The following GPATCH2 variants were observed in gnomAD, a reference collection of about 807,000 sequenced individuals.
GPATCH2 encodes the protein G-patch domain containing 2.
GPATCH2 carries 51 observed loss-of-function variants against 58.0 expected under a neutral mutation model. The observed-to-expected ratio is 0.88, with a 90% CI of 0.70 to 1.11. GPATCH2 has a LOEUF of 1.11. GPATCH2 is among the 50% of genes most tolerant of loss of function. The pLI is 0.00. For synonymous variants in GPATCH2, 222 were observed against 218.5 expected, an observed-to-expected ratio of 1.02 and a Z score of -0.14; for missense variants, 625 against 652.2, an observed-to-expected ratio of 0.96 and a Z score of 0.45.
Position 217,430,877 on chromosome 1 carries a change from T to C in GPATCH2, c.*268A>G. On this transcript the variant is annotated 3_prime_UTR_variant, in exon 10 of 10. Coordinates refer to ENST00000366935, the MANE Select transcript of GPATCH2 (RefSeq NM_018040.5). ...AAAGTATTGACACATGAGACTAAAA[T>C]AAATAAGAGAAACGAGCTGCTCTTT... 1.2e-5 allele frequency: 6 copies of C among 484,352 alleles called. No homozygotes were observed. The highest frequency in any genetic ancestry group is 1.1e-5 in the Non-Finnish European group (3 of 270,744). The allele number at this position is 484,352 out of a possible 1,614,324, so 30.0% of individuals were successfully genotyped here.
chr1:217,594,917 G>A (rs74142493), intron 5 of GPATCH2, among the ~76,000 whole-genome samples: 2,396 of 152,212 alleles, frequency 0.016, 61 homozygotes, highest in African/African-American at 0.054. Flanking sequence ...GAAAGAAAAC[G>A]CATCCAGTCA....
At position 217,449,296 on chromosome 1, in the gene GPATCH2, A is replaced by G. The variant is rs762791874; in HGVS notation, c.1319T>C (p.Ile440Thr). 1 of 1,610,270 alleles carries G rather than the reference A, an allele frequency of 6.2e-7. No homozygotes were observed. Among genetic ancestry groups the G allele is most frequent in the Non-Finnish European group, 8.5e-7 (1 of 1,176,514 alleles). Residue 440 changes from isoleucine to threonine, a missense_variant, in exon 9 of 10, where the codon ATC (isoleucine) becomes ACC (threonine). Coordinates refer to ENST00000366935, the MANE Select transcript of GPATCH2 (RefSeq NM_018040.5). ...MHLGSLCTGD[I>T]KRRRKAAPLP... The stretch of plus-strand genomic sequence containing the variant: ...AGGTGCAGCTTTTCTTCTCCGTTTG[A>G]TATCTCCCGTGCATAAGGATCCTAA...
At chr1:217,622,578 C>G (rs867401291) in intron 1 of GPATCH2, among the ~76,000 whole-genome samples, 1 of 152,222 alleles carries the variant, frequency 6.6e-6, no homozygotes, top group South Asian at 2.1e-4. Context: ...GAGTCTCGCT[C>G]TGTTACCCAG....
At chr1:217,489,680 T>C (rs141983518) in intron 8 of GPATCH2, among the ~76,000 whole-genome samples, 3,448 of 152,128 alleles carry the variant, frequency 0.023, 50 homozygotes, top group Non-Finnish European at 0.033. Context: ...CTGGCCAACA[T>C]AGTGAAACCC....
intron 8 of GPATCH2, among the ~76,000 whole-genome samples, chr1:217,455,405 C>G (rs1190023023): frequency 6.6e-6 from 1 of 152,126 alleles, no homozygotes; most frequent in African/African-American, 2.4e-5. Context: ...ACTCTTGACT[C>G]TATGTTGATT....
intron 8 of GPATCH2, among the ~76,000 whole-genome samples, chr1:217,454,738 G>A (rs985064506): frequency 4.7e-5 from 7 of 149,902 alleles, no homozygotes; most frequent in Non-Finnish European, 8.9e-5. Flanking sequence ...TCAGCACCAC[G>A]CCCACCCTCC....
At chr1:217,535,854 AC>A (rs1474072260) in intron 5 of GPATCH2, among the ~76,000 whole-genome samples, 2 of 152,196 alleles carry the variant, frequency 1.3e-5, no homozygotes, top group Non-Finnish European at 2.9e-5. Context: ...CAATAGTTCC[AC>A]CTCATCGCCG....
chr1:217,468,515 CCACACACACACACACACA>C (rs10524566), intron 8 of GPATCH2, among the ~76,000 whole-genome samples: 99 of 142,704 alleles, frequency 6.9e-4, no homozygotes, highest in Non-Finnish European at 1.2e-3. Flanking sequence ...GCACACACAA[CCACACACACACACACACA>C]CACACACACA....
intron 5 of GPATCH2, among the ~76,000 whole-genome samples, chr1:217,559,220 G>T (rs968979313): frequency 2.6e-5 from 4 of 151,428 alleles, no homozygotes; most frequent in Non-Finnish European, 4.4e-5. Context: ...TTACGTACTA[G>T]ATCTAGAATT....
intron 6 of GPATCH2, among the ~76,000 whole-genome samples, chr1:217,507,060 C>CACA (rs1196812988): frequency 6.6e-6 from 1 of 152,084 alleles, no homozygotes; most frequent in African/African-American, 2.4e-5. Flanking sequence ...ATGTGAGAAC[C>CACA]ACAACAACTG....
intron 5 of GPATCH2, among the ~76,000 whole-genome samples, chr1:217,549,535 CACAA>C (rs978114124): frequency 7.0e-6 from 1 of 142,654 alleles, no homozygotes; most frequent in Non-Finnish European, 1.6e-5. Flanking sequence ...GCCCTTATGA[CACAA>C]ACAAATGGCC....
intron 5 of GPATCH2, among the ~76,000 whole-genome samples, chr1:217,558,151 G>A (rs996772885): frequency 2.0e-5 from 3 of 152,004 alleles, no homozygotes; most frequent in Non-Finnish European, 2.9e-5. Flanking sequence ...TTAGAAACAG[G>A]GCTCTAAAAA....
At chr1:217,520,176 G>A (rs1356193106) in intron 5 of GPATCH2, among the ~76,000 whole-genome samples, 1 of 152,114 alleles carries the variant, frequency 6.6e-6, no homozygotes, top group Non-Finnish European at 1.5e-5. Flanking sequence ...AACATCTAAT[G>A]TATTCCTGGT....
rs1192951826 is a variant in GPATCH2 at position 217,475,242 on chromosome 1, C to T, written c.1277+16438G>A. 6.6e-5 allele frequency among the ~76,000 whole-genome samples: 10 copies of T among 152,240 alleles called. No individual in the cohort carries two copies. In the South Asian group the frequency reaches 2.1e-3, roughly 32 times the overall value. ...TCATTTGAGGTCAGGAGTTTGAGAC[C>T]AGCCTGGCCAACATGGTGAAACCCC... On this transcript the variant is annotated intron_variant, in intron 8 of 9. Transcript: ENST00000366935.
At chr1:217,576,632 C>G (rs1666817633) in intron 5 of GPATCH2, among the ~76,000 whole-genome samples, 1 of 152,120 alleles carries the variant, frequency 6.6e-6, no homozygotes, top group South Asian at 2.1e-4. Flanking sequence ...ATTGCACATA[C>G]AAGTGAAAAA....
intron 5 of GPATCH2, among the ~76,000 whole-genome samples, chr1:217,584,224 G>A (rs998878976): frequency 3.3e-5 from 5 of 150,806 alleles, no homozygotes; most frequent in South Asian, 2.1e-4. Context: ...GAGGCCTCCC[G>A]CGGTGGCTCA....
chr1:217,607,265 C>A (rs1046356132), intron 5 of GPATCH2, among the ~76,000 whole-genome samples: 5 of 152,164 alleles, frequency 3.3e-5, no homozygotes, highest in Admixed American at 1.3e-4. Context: ...CATACACGTG[C>A]ATTCCTACCA....
intron 9 of GPATCH2, 40 bp downstream of exon 9, chr1:217,449,209 T>C (rs1295683507): frequency 4.0e-6 from 4 of 995,406 alleles, no homozygotes; most frequent in Non-Finnish European, 6.4e-6. Flanking sequence ...ATTTATGAAC[T>C]CTACATTTGT....
chr1:217,490,391 T>G (rs1461184549), intron 8 of GPATCH2, among the ~76,000 whole-genome samples: 3 of 152,230 alleles, frequency 2.0e-5, no homozygotes, highest in Non-Finnish European at 4.4e-5. Context: ...TGTATCTGTA[T>G]CTATGGATTT....
Sources: allele counts gnomAD v4.1 joint callset (sites outside exome capture counted in the v4.1 genomes callset), GRCh38; gene constraint gnomAD v4.1.1; transcripts MANE v1.5; gene names NCBI Gene and HGNC (gene_info 2026-07-23, HGNC 2026-07-21).